Variants in NBPF8 observed in about 807,000 individuals in gnomAD.
NBPF8 encodes the protein NBPF member 8.
chr1:120,430,752 CAA>C (rs1160946903), intron 3 of NBPF8, among the ~76,000 whole-genome samples: 31 of 41,228 alleles, frequency 7.5e-4, no homozygotes, highest in Admixed American at 3.0e-3. Flanking sequence ...GACTCTGTCT[CAA>C]AAAAAAAAAA....
At chr1:120,461,182 A>C in intron 18 of NBPF8, 72 bp from the exon 17 acceptor site, 1 of 607,728 alleles carries the variant, frequency 1.6e-6, no homozygotes, top group Non-Finnish European at 3.0e-6. Context: ...TATGTTAGCC[A>C]TGAAATCTAG....
At chr1:120,416,038 G>C (rs1461989198), upstream of NBPF8, among the ~76,000 whole-genome samples, 1 of 152,080 alleles carries the variant, frequency 6.6e-6, no homozygotes, top group Non-Finnish European at 1.5e-5. Context: ...CTTTTCTTTG[G>C]GTTACAGTGT....
At chr1:120,451,772 CA>C (rs1172524679) in intron 12 of NBPF8, among the ~76,000 whole-genome samples, 1 of 148,012 alleles carries the variant, frequency 6.8e-6, no homozygotes, top group Non-Finnish European at 1.5e-5. Flanking sequence ...CTAGTGGCCG[CA>C]AGATGCACTA....
chr1:120,468,763 G>A (rs1389091815), downstream of NBPF8, among the ~76,000 whole-genome samples: 9,924 of 138,318 alleles, frequency 0.072, no homozygotes, highest in African/African-American at 0.18. Context: ...CATGATCTAT[G>A]TTTCTCCACA....
At chr1:120,435,610 G>A (rs1431835083), upstream of NBPF8, among the ~76,000 whole-genome samples, 8 of 148,526 alleles carry the variant, frequency 5.4e-5, no homozygotes, top group South Asian at 2.1e-4. Flanking sequence ...TTGGGAGGCC[G>A]AGGCGGCAGA....
chr1:120,464,249 T>A lies in NBPF8; in HGVS notation n.3287-127T>A, dbSNP rs1661678078. ...TCCCAACATGAAGGCAATAATTTGT[T>A]ACCTCATTAATGGATCTATCCTTTT... On this transcript the variant is annotated intron_variant and non_coding_transcript_variant, in intron 22 of 24. Coordinates refer to ENST00000583271, the Ensembl canonical transcript of NBPF8. The A allele has an allele frequency of 6.4e-6, 4 of 629,558 alleles. No individual in the cohort carries two copies. In the South Asian group the frequency reaches 7.4e-5, roughly 12 times the overall value. 39.0% of individuals were successfully genotyped at this position (629,558 alleles called of 1,614,324 possible).
intron 3 of NBPF8, among the ~76,000 whole-genome samples, chr1:120,430,875 G>GTC (rs1340298908): frequency 6.6e-6 from 1 of 151,156 alleles, no homozygotes; most frequent in African/African-American, 2.4e-5. Flanking sequence ...GATAAACCTT[G>GTC]TCATGGATCA....
exon 23 of NBPF8, chr1:120,464,467 C>T: frequency 3.2e-6 from 3 of 938,812 alleles, no homozygotes; most frequent in Non-Finnish European, 3.5e-6. Flanking sequence ...TTGTCTTGAA[C>T]AGCCTGACTC....
upstream of NBPF8, among the ~76,000 whole-genome samples, chr1:120,415,908 C>T (rs1553245120): frequency 8.4e-4 from 128 of 152,318 alleles, 3 homozygotes; most frequent in African/African-American, 2.9e-3. Context: ...GTTAGATCTT[C>T]TCATTTGGCG....
chr1:120,418,090 C>T (rs1660475986), upstream of NBPF8, among the ~76,000 whole-genome samples: 1 of 29,044 alleles, frequency 3.4e-5, no homozygotes, highest in South Asian at 5.4e-4. Context: ...TAGTGAGATC[C>T]CATCTCTACA....
intron 8 of NBPF8, among the ~76,000 whole-genome samples, chr1:120,446,341 T>C (rs1304008585): frequency 3.2e-5 from 2 of 63,312 alleles, no homozygotes; most frequent in African/African-American, 1.3e-4. Context: ...CTTGTTGGAG[T>C]GAAAAGAGCT....
chr1:120,462,477 T>C (rs1245132278), intron 20 of NBPF8, among the ~76,000 whole-genome samples: 2 of 134,884 alleles, frequency 1.5e-5, no homozygotes, highest in South Asian at 5.4e-4. Flanking sequence ...CCCACTCTTT[T>C]CATGATCACT....
intron 16 of NBPF8, among the ~76,000 whole-genome samples, chr1:120,456,358 A>G (rs1452859556): frequency 5.3e-4 from 79 of 149,908 alleles, no homozygotes; most frequent in Non-Finnish European, 1.0e-3. Flanking sequence ...TAATATTGAC[A>G]CTGGGGTGTT....
chr1:120,460,472 G>C (rs1433558651), intron 17 of NBPF8, 101 bp from the exon 16 acceptor site: 12 of 819,716 alleles, frequency 1.5e-5, no homozygotes, highest in Non-Finnish European at 2.6e-5. Context: ...TTCTCACATT[G>C]ACAAGACTGA....
chr1:120,464,117 C>T (rs1285565424), intron 22 of NBPF8, among the ~76,000 whole-genome samples: 10 of 23,500 alleles, frequency 4.3e-4, no homozygotes, highest in African/African-American at 4.1e-3. Context: ...TGAGCTCGTT[C>T]TCTCTCTCTC....
chr1:120,468,634 G>A (rs1281808176), downstream of NBPF8, among the ~76,000 whole-genome samples: 1 of 147,692 alleles, frequency 6.8e-6, no homozygotes, highest in East Asian at 1.9e-4. Context: ...CATGGTCCGT[G>A]CCTCCCCATC....
chr1:120,466,120 C>G (rs1661741476), exon 25 of NBPF8: 27 of 1,610,750 alleles, frequency 1.7e-5, no homozygotes, highest in Non-Finnish European at 2.0e-5. Context: ...ATTTGAGGAA[C>G]AGCACATCAG....
upstream of NBPF8, among the ~76,000 whole-genome samples, chr1:120,434,502 C>T (rs1352707121): frequency 4.7e-5 from 7 of 147,870 alleles, no homozygotes; most frequent in Non-Finnish European, 1.0e-4. Context: ...TGCTATCCCT[C>T]CCCCAGCCCT....
rs1343227822 is a variant in NBPF8, at chr1:120,460,523, G to A, written n.2785-50G>A. 26 of 1,034,406 alleles carry A rather than the reference G, an allele frequency of 2.5e-5. No individual in the cohort carries two copies. In the East Asian group the frequency reaches 5.2e-4, roughly 21 times the overall value. The allele number at this position is 1,034,406 out of a possible 1,614,324, so 64.1% of individuals were successfully genotyped here. ...ATTGGACAGAGGAATGTTTCTGTGT[G>A]CAAGGAAGAACTGCTTAATGTAAGA... On this transcript the variant is annotated intron_variant and non_coding_transcript_variant, in intron 17 of 24. Coordinates refer to ENST00000583271, the Ensembl canonical transcript of NBPF8.
Sources: gnomAD v4.1 joint callset for allele counts (sites outside exome capture counted in the v4.1 genomes callset) on GRCh38, gnomAD v4.1.1 for gene constraint, MANE v1.5 for transcripts, NCBI Gene and HGNC (gene_info 2026-07-23, HGNC 2026-07-21) for gene names.